The following PTP4A3 variants were observed in gnomAD, a reference collection of about 807,000 sequenced individuals.
The protein encoded by PTP4A3 is protein tyrosine phosphatase type IVA 3.
PTP4A3 carries 9 observed loss-of-function variants against 15.2 expected under a neutral mutation model. That is an observed-to-expected ratio of 0.59 (90% confidence interval 0.36 to 1.03). The LOEUF is 1.03. Among genes scored for constraint, PTP4A3 ranks in the 50% least tolerant of loss-of-function variants. The probability of loss-of-function intolerance (pLI) is 0.02; values close to 1 mark genes in which losing one functional copy is unlikely to be tolerated. For missense variants in PTP4A3, 234 were observed against 252.1 expected (o/e 0.93, Z 0.49); for synonymous variants, 95 against 102.0 (o/e 0.93, Z 0.41).
intron 1 of PTP4A3, among the ~76,000 whole-genome samples, chr8:141,395,144 C>T (rs1211756931): frequency 6.6e-6 from 1 of 152,204 alleles, no homozygotes; most frequent in Non-Finnish European, 1.5e-5. Flanking sequence ...ACAGCCCGTG[C>T]CAGTGTGGGT....
chr8:141,392,394 G>C (rs1056144594), intron 1 of PTP4A3: 1 of 152,152 alleles, frequency 6.6e-6, no homozygotes, highest in Admixed American at 6.5e-5. Context: ...CTGGGTGCGC[G>C]GGAGACCTCC....
rs992957141 is a variant in PTP4A3 at position 141,422,220 on chromosome 8, C to G, written c.-21C>G. On this transcript the variant is annotated 5_prime_UTR_variant, in exon 2 of 6. Coordinates refer to ENST00000521578, the MANE Select transcript of PTP4A3 (RefSeq NM_032611.3). The stretch of plus-strand genomic sequence containing the variant: ...CTTCTCTGCAGTCCCTTCTGCCCTG[C>G]CGGGCCCGTCGGGAGGCGCCATGGC... The G allele has an allele frequency of 1.2e-5, 19 of 1,612,294 alleles. No homozygotes were observed. Among genetic ancestry groups the G allele is most frequent in the Non-Finnish European group, 1.6e-5 (19 of 1,179,640 alleles).
intron 1 of PTP4A3, among the ~76,000 whole-genome samples, chr8:141,410,209 C>T (rs1004012923): frequency 3.9e-5 from 6 of 152,254 alleles, no homozygotes; most frequent in East Asian, 1.9e-4. Context: ...GCCACACAGA[C>T]GGGCAGGAGT....
intron 1 of PTP4A3, among the ~76,000 whole-genome samples, chr8:141,405,399 G>A (rs561833431): frequency 7.9e-5 from 12 of 152,332 alleles, no homozygotes; most frequent in South Asian, 2.1e-4. Flanking sequence ...CCCTGAGGTC[G>A]GAGCCAGTTT....
At chr8:141,417,479 G>C (rs28450112) in intron 1 of PTP4A3, among the ~76,000 whole-genome samples, 19,053 of 152,118 alleles carry the variant, frequency 0.13, 1,272 homozygotes, top group Middle Eastern at 0.21. Context: ...GCACCTGCAC[G>C]GCGGGGCCGC....
chr8:141,425,199 G>GGGGGGGGGGGGGC lies in PTP4A3; in HGVS notation c.198+62_198+63insGGGGGGGGGCGGG. ...CTGCCACCGGGGGAGGGTGGGGCGG[G>GGGGGGGGGGGGGC]GGGCTCCGGGCCTGCGCAGAGGGTT... On this transcript the variant is annotated intron_variant, in intron 3 of 5. Coordinates refer to ENST00000521578, the MANE Select transcript of PTP4A3 (RefSeq NM_032611.3). This position sits in a 1 kb window ranked among gnomAD's most constrained non-coding sequence, Gnocchi z 4.2. 1.2e-6 allele frequency: 1 copy of GGGGGGGGGGGGGC among 844,218 alleles called. No homozygotes were observed. The highest frequency in any genetic ancestry group is 2.0e-6 in the Non-Finnish European group (1 of 504,296). The allele number at this position is 844,218 out of a possible 1,614,324, so 52.3% of individuals were successfully genotyped here.
chr8:141,418,465 GTGGAGAA>G (rs1563733589), intron 1 of PTP4A3, among the ~76,000 whole-genome samples: 2 of 152,212 alleles, frequency 1.3e-5, no homozygotes, highest in Non-Finnish European at 2.9e-5. Context: ...TGTGGCCCTG[GTGGAGAA>G]TGTTCTCCCC....
intron 1 of PTP4A3, among the ~76,000 whole-genome samples, chr8:141,404,676 C>G (rs1388270717): frequency 6.6e-6 from 1 of 152,138 alleles, no homozygotes; most frequent in Non-Finnish European, 1.5e-5. Flanking sequence ...TCAGCAGAGG[C>G]TTGGGGGCAG....
chr8:141,400,316 C>T (rs200834878), intron 1 of PTP4A3, among the ~76,000 whole-genome samples: 168 of 152,072 alleles, frequency 1.1e-3, no homozygotes, highest in Non-Finnish European at 2.1e-3. Context: ...CAGGCGCAAA[C>T]GTGGTTATTG....
At chr8:141,424,461 G>A (rs769687791) in intron 2 of PTP4A3, among the ~76,000 whole-genome samples, 6 of 152,244 alleles carry the variant, frequency 3.9e-5, no homozygotes, top group Non-Finnish European at 8.8e-5. Context: ...GCTGATGCCC[G>A]CCCCTCTTAG....
At chr8:141,423,599 A>AT (rs1475649134) in intron 2 of PTP4A3, among the ~76,000 whole-genome samples, 1 of 146,424 alleles carries the variant, frequency 6.8e-6, no homozygotes, top group Non-Finnish European at 1.5e-5. Context: ...TGTGTCCAGG[A>AT]TTAGCGCTCA....
intron 1 of PTP4A3, among the ~76,000 whole-genome samples, chr8:141,400,835 T>G (rs1832572048): frequency 6.6e-6 from 1 of 151,984 alleles, no homozygotes; most frequent in Non-Finnish European, 1.5e-5. Flanking sequence ...CCCAGAGAAA[T>G]CCCATGGGTG....
Position 141,425,159 on chromosome 8 carries a change from G to A in PTP4A3, c.198+19G>A. ...CGTTGTGGTGAGGCGCGCGCCACGG[G>A]GACCCTAGTCACTGCTGCCACCGGG... On this transcript the variant is annotated intron_variant, in intron 3 of 5. Transcript: ENST00000521578. The surrounding 1 kb of genome is among the most constrained non-coding windows in gnomAD (Gnocchi z 4.2). The A allele has an allele frequency of 8.2e-7, 1 of 1,215,990 alleles. No homozygotes were observed. Among genetic ancestry groups the A allele is most frequent in the South Asian group, 1.2e-5 (1 of 83,716 alleles). 75.3% of individuals were successfully genotyped at this position (1,215,990 alleles called of 1,614,324 possible).
intron 3 of PTP4A3, chr8:141,426,553 C>T (rs1404706631): frequency 5.1e-6 from 5 of 985,310 alleles, no homozygotes; most frequent in African/African-American, 3.5e-5. Flanking sequence ...CACCAGCCGA[C>T]CCAAAACCTC....
intron 5 of PTP4A3, among the ~76,000 whole-genome samples, chr8:141,429,425 G>GCATC (rs1372559915): frequency 5.9e-5 from 9 of 152,402 alleles, no homozygotes; most frequent in African/African-American, 1.7e-4. Context: ...TGTGGCTGCA[G>GCATC]CATCCTCTCC....
chr8:141,431,037 T>C lies in PTP4A3; in HGVS notation c.515T>C (p.Val172Ala), dbSNP rs775662912. 1.2e-6 allele frequency: 2 copies of C among 1,612,908 alleles called. No individual in the cohort carries two copies. The highest frequency in any genetic ancestry group is 1.7e-6 in the Non-Finnish European group (2 of 1,179,876). The change falls in exon 6 of 6, where the codon GTT becomes GCT. Residue 172 changes from valine to alanine, a missense_variant. Coordinates refer to ENST00000521578, the MANE Select transcript of PTP4A3 (RefSeq NM_032611.3). ...DPHTHKTRCC[V>A]M ...CACACGCACAAGACCCGGTGCTGCG[T>C]TATGTAGCTCAGGACCTTGGCTGGG...
chr8:141,420,529 C>T (rs977887556), intron 1 of PTP4A3, among the ~76,000 whole-genome samples: 6 of 152,134 alleles, frequency 3.9e-5, no homozygotes, highest in South Asian at 4.1e-4. Flanking sequence ...TTGCTGTGGC[C>T]CCCCCTGCCG....
chr8:141,422,349 AG>A lies in PTP4A3; in HGVS notation c.105+5del. 2 of 1,613,264 alleles carry A rather than the reference AG, an allele frequency of 1.2e-6. No individual in the cohort carries two copies. The highest frequency in any genetic ancestry group is 1.7e-6 in the Non-Finnish European group (2 of 1,179,922). On this transcript the variant is annotated splice_donor_5th_base_variant and intron_variant, in intron 2 of 5. Transcript: ENST00000521578. ...CACGCTCAGCACCTTCATTGAGGTG[AG>A]TGGAGACGGAGGTGTGGCAGGCAGG... is the stretch of plus-strand genomic sequence containing the variant.
intron 1 of PTP4A3, among the ~76,000 whole-genome samples, chr8:141,399,337 C>T (rs1182778485): frequency 2.6e-5 from 4 of 152,206 alleles, no homozygotes; most frequent in East Asian, 3.9e-4. Flanking sequence ...CTGGGTCAGC[C>T]GCAGAGGCCC....
Sources: allele counts gnomAD v4.1 joint callset (sites outside exome capture counted in the v4.1 genomes callset), GRCh38; gene constraint gnomAD v4.1.1; non-coding constraint Gnocchi (gnomAD v3.1); transcripts MANE v1.5; gene names NCBI Gene and HGNC (gene_info 2026-07-23, HGNC 2026-07-21).